RRAGB: variants seen among roughly 807,000 people sequenced by gnomAD.
The protein encoded by RRAGB is Ras related GTP binding B.
A neutral mutation model predicts 29.3 loss-of-function variants in RRAGB; 6 were observed. The ratio of observed to expected loss-of-function variants is 0.21; its 90% CI spans 0.11 to 0.40. RRAGB has a LOEUF of 0.40. Among genes scored for constraint, RRAGB ranks in the 10% least tolerant of loss-of-function variants. The probability of loss-of-function intolerance (pLI) is 1.00; values close to 1 mark genes in which losing one functional copy is unlikely to be tolerated. For synonymous variants in RRAGB, 101 were observed against 92.5 expected (o/e 1.09, Z -0.53); for missense variants, 184 against 272.9 (o/e 0.67, Z 2.29).
In RRAGB at chrX:55,726,919, G is replaced by A. The variant is rs187287686; in HGVS notation, c.227-2375G>A. ...GTCCAAATGGCAAATAAAATAATAA[G>A]AATAGACTAGCTTGCCTTGGGGAAG... is the stretch of plus-strand genomic sequence containing the variant. On this transcript the variant is annotated intron_variant, in intron 3 of 9. Transcript: ENST00000374941. Among the ~76,000 whole-genome samples the A allele has an allele frequency of 6.3e-5, 7 of 111,464 alleles. No homozygotes were observed. The East Asian group carries it at 2.0e-3, about 31-fold the overall frequency.
At chrX:55,724,141 A>G (rs2033394750) in intron 3 of RRAGB, among the ~76,000 whole-genome samples, 3 of 111,943 alleles carry the variant, frequency 2.7e-5, no homozygotes, top group Admixed American at 9.4e-5. Context: ...ACTCTTTCAA[A>G]TAGTTCAAAT....
chrX:55,736,485 C>T (rs1374178094), intron 5 of RRAGB, among the ~76,000 whole-genome samples: 1 of 111,702 alleles, frequency 9.0e-6, no homozygotes, highest in African/African-American at 3.3e-5. Context: ...TCAAAGATTT[C>T]ATTTTGATTT....
At chrX:55,746,019 C>T (rs756049802) in intron 5 of RRAGB, among the ~76,000 whole-genome samples, 9 of 111,126 alleles carry the variant, frequency 8.1e-5, no homozygotes, top group Admixed American at 9.5e-5. Context: ...TTTTCTGTAA[C>T]GCACAGTCAC....
rs866182605 is a variant in RRAGB, at chrX:55,718,061, C to T, written c.-267C>T. On this transcript the variant is annotated 5_prime_UTR_variant, in exon 1 of 10. Transcript: ENST00000374941. Reference sequence around the variant, plus strand: ...CCCACCTCTCTTTTCCTGTCATTCTCCAACTCTTACTTTGTACCACGGAAT... The same window carrying T: ...CCCACCTCTCTTTTCCTGTCATTCTTCAACTCTTACTTTGTACCACGGAAT... 3.2e-5 allele frequency: 8 copies of T among 251,848 alleles called. No homozygotes were observed. Among genetic ancestry groups the T allele is most frequent in the Non-Finnish European group, 4.2e-5 (6 of 141,241 alleles). 20.8% of individuals were successfully genotyped at this position (251,848 alleles called of 1,213,427 possible). A position where few individuals can be genotyped will look rare whatever the true frequency, so the allele number is the denominator to read the frequency against.
chrX:55,731,896 G>A (rs1440139135), intron 5 of RRAGB, among the ~76,000 whole-genome samples: 1 of 112,055 alleles, frequency 8.9e-6, no homozygotes, highest in African/African-American at 3.2e-5. Flanking sequence ...CAGGGAGATA[G>A]TGTCAAGGTT....
At chrX:55,729,691 A>C (rs1038144684) in intron 4 of RRAGB, among the ~76,000 whole-genome samples, 11 of 111,599 alleles carry the variant, frequency 9.9e-5, no homozygotes, top group Non-Finnish European at 1.9e-4. Flanking sequence ...GTCACACCAT[A>C]CTACTTTGTT....
At chrX:55,729,026 A>G (rs955471922) in intron 3 of RRAGB, among the ~76,000 whole-genome samples, 2 of 110,692 alleles carry the variant, frequency 1.8e-5, no homozygotes, top group African/African-American at 6.6e-5. Flanking sequence ...TTTTAACAGT[A>G]TTATAGTTGG....
intron 5 of RRAGB, among the ~76,000 whole-genome samples, chrX:55,748,597 G>A (rs1160380304): frequency 6.4e-5 from 7 of 109,830 alleles, no homozygotes; most frequent in East Asian, 2.9e-4. Flanking sequence ...CTGCCCAGCC[G>A]CCCAGTCTGA....
At chrX:55,731,781 A>G (rs977271698) in intron 5 of RRAGB, 195 bp downstream of exon 5, 77 of 386,585 alleles carry the variant, frequency 2.0e-4, no homozygotes, top group African/African-American at 1.7e-3. Flanking sequence ...TTATTAGTAA[A>G]TAATTTTCAG....
intron 3 of RRAGB, among the ~76,000 whole-genome samples, chrX:55,724,904 C>G (rs1403883643): frequency 1.8e-5 from 2 of 111,717 alleles, no homozygotes; most frequent in Non-Finnish European, 3.8e-5. Flanking sequence ...TTCTATCTAG[C>G]TTACCCTCTG....
chrX:55,748,467 GTC>G (rs1401516894), intron 5 of RRAGB, among the ~76,000 whole-genome samples: 1 of 106,016 alleles, frequency 9.4e-6, no homozygotes, highest in East Asian at 3.0e-4. Context: ...AGCGAGGAGA[GTC>G]TCTGCCTGGC....
At chrX:55,756,657 A>G (rs773328731) in intron 8 of RRAGB, among the ~76,000 whole-genome samples, 11 of 112,852 alleles carry the variant, frequency 9.7e-5, no homozygotes, top group Non-Finnish European at 1.9e-4. Flanking sequence ...TTGAATTTAA[A>G]TGTAACTGAA....
intron 5 of RRAGB, among the ~76,000 whole-genome samples, chrX:55,737,861 C>T (rs1186686529): frequency 3.5e-5 from 4 of 112,911 alleles, no homozygotes; most frequent in Middle Eastern, 4.6e-3. Context: ...AATGGGTGCA[C>T]ATCCAGCATG....
At chrX:55,742,515 C>T (rs1348181985) in intron 5 of RRAGB, among the ~76,000 whole-genome samples, 1 of 112,384 alleles carries the variant, frequency 8.9e-6, no homozygotes, top group Non-Finnish European at 1.9e-5. Flanking sequence ...CCAGTTTCCC[C>T]ATAGTAGTCA....
intron 5 of RRAGB, among the ~76,000 whole-genome samples, chrX:55,739,274 C>G (rs968840045): frequency 8.9e-6 from 1 of 112,548 alleles, no homozygotes; most frequent in East Asian, 2.8e-4. Context: ...GTGGCAAGAG[C>G]GTACTTCCCA....
intron 3 of RRAGB, among the ~76,000 whole-genome samples, chrX:55,724,942 A>G (rs766912290): frequency 4.5e-5 from 5 of 111,549 alleles, no homozygotes. Flanking sequence ...ACTTATTTTT[A>G]TTTCTGTTTT....
chrX:55,749,500 C>T (rs754173027), intron 5 of RRAGB, among the ~76,000 whole-genome samples: 3 of 110,796 alleles, frequency 2.7e-5, no homozygotes, highest in South Asian at 3.9e-4. Flanking sequence ...AGTGAGGAGC[C>T]CCTCTGCCCG....
chrX:55,756,869 T>C (rs2034669052), intron 8 of RRAGB, among the ~76,000 whole-genome samples: 2 of 111,308 alleles, frequency 1.8e-5, no homozygotes, highest in African/African-American at 6.5e-5. Context: ...GGCAGGAGGA[T>C]CACTTGAGCC....
intron 5 of RRAGB, among the ~76,000 whole-genome samples, chrX:55,735,043 T>C (rs1419688276): frequency 8.9e-6 from 1 of 112,229 alleles, no homozygotes; most frequent in Non-Finnish European, 1.9e-5. Flanking sequence ...TGGCCTGATA[T>C]ATAGTCTATC....
Sources: allele counts gnomAD v4.1 joint callset (sites outside exome capture counted in the v4.1 genomes callset), GRCh38; gene constraint gnomAD v4.1.1; transcripts MANE v1.5; gene names NCBI Gene and HGNC (gene_info 2026-07-23, HGNC 2026-07-21).